Variants in DUSP8 observed in about 807,000 individuals in gnomAD.
DUSP8 encodes the protein dual specificity protein phosphatase 8.
Under a neutral mutation model 38.7 loss-of-function variants are expected in DUSP8, and 15 were observed. The observed-to-expected ratio is 0.39, with a 90% CI of 0.26 to 0.60. The LOEUF (loss-of-function observed/expected upper bound fraction) is 0.60. Ranked by LOEUF, DUSP8 falls within the 20% of genes least tolerant of loss-of-function variation. DUSP8 has a pLI of 0.56. For missense variants in DUSP8, 768 were observed against 915.0 expected (o/e 0.84, Z 2.07); for synonymous variants, 458 against 433.9 (o/e 1.06, Z -0.69).
chr11:1,563,857 G>A lies in DUSP8; in HGVS notation c.364C>T (p.Leu122Phe), dbSNP rs770394046. ...LDGCFDSVAILTGGFATFSSC... is the reference protein window; with the variant it reads ...LDGCFDSVAIFTGGFATFSSC... ...GCGTGGGTCATGGACTCACCAGTGAGGATGGCCACGCTGTCGAAGCAGCCG... is the reference window on the plus strand; with the variant it reads ...GCGTGGGTCATGGACTCACCAGTGAAGATGGCCACGCTGTCGAAGCAGCCG... Residue 122 changes from leucine to phenylalanine, a missense_variant, in exon 3 of 7, where the codon CTC becomes TTC. Physicochemically the swap from Leu to Phe is conservative, Grantham distance 22. This residue lies in a region of DUSP8 where 252 missense variants were observed against 410.4 expected (regional missense o/e 0.61). Transcript: ENST00000397374. 6.6e-7 allele frequency: 1 copy of A among 1,525,644 alleles called. No homozygotes were observed. The highest frequency in any genetic ancestry group is 8.8e-7 in the Non-Finnish European group (1 of 1,133,568). The allele number at this position is 1,525,644 out of a possible 1,614,324, so 94.5% of individuals were successfully genotyped here.
At position 1,558,866 on chromosome 11, in the gene DUSP8, C is replaced by T; in HGVS notation, c.537+23G>A. On this transcript the variant is annotated intron_variant, in intron 4 of 6. Transcript: ENST00000397374. The surrounding 1 kb of genome is among the most constrained non-coding windows in gnomAD (Gnocchi z 6.3). ...CCTGCCCCTTTCCCATTGACCACCC[C>T]CCGAACTCCACTGCACACACACCTT... 9 of 1,583,538 alleles carry T rather than the reference C, an allele frequency of 5.7e-6. No homozygotes were observed. The highest frequency in any genetic ancestry group is 7.8e-6 in the Non-Finnish European group (9 of 1,161,270).
rs1848678696 is a variant in DUSP8, at chr11:1,559,014, C to T, written c.412G>A (p.Glu138Lys). The change falls in exon 4 of 7, where the codon GAG (glutamate) becomes AAG (lysine). Residue 138 changes from glutamate (E) to lysine (K), a missense_variant. By Grantham distance (56) the Glu-to-Lys change is moderately conservative. Around this residue, in one of 3 missense-constraint regions of DUSP8, gnomAD observed 252 missense variants for 410.4 expected, o/e 0.61. Transcript: ENST00000397374. ...GGTAGCAGGGCAGCAGGCTTGCCCT[C>T]GCAGAGGCCGGGGAAGCAGGAGGAG... ...TFSSCFPGLC[E>K]GKPAALLPMS... 3.1e-6 allele frequency: 5 copies of T among 1,611,358 alleles called. No homozygotes were observed. The highest frequency in any genetic ancestry group is 4.2e-6 in the Non-Finnish European group (5 of 1,179,654).
Position 1,558,882 on chromosome 11 carries a change from C to T in DUSP8, c.537+7G>A, listed in dbSNP as rs763741234. 19 of 1,605,814 alleles carry T rather than the reference C, an allele frequency of 1.2e-5. No homozygotes were observed. In the East Asian group the frequency reaches 2.2e-4, roughly 19 times the overall value. ...TGACCACCCCCCGAACTCCACTGCA[C>T]ACACACCTTGTTTAGGACGTCCTTC... On this transcript the variant is annotated splice_region_variant and intron_variant, in intron 4 of 6. Transcript: ENST00000397374. This position sits in a 1 kb window ranked among gnomAD's most constrained non-coding sequence, Gnocchi z 6.3.
chr11:1,558,969 A>C lies in DUSP8; in HGVS notation c.457T>G (p.Cys153Gly). The change falls in exon 4 of 7, where the codon TGC (cysteine) becomes GGC (glycine). Residue 153 changes from cysteine to glycine, a missense_variant. Transcript: ENST00000397374. This position sits in a 1 kb window ranked among gnomAD's most constrained non-coding sequence, Gnocchi z 6.3. ...ALLPMSLSQP[C>G]LPVPSVGLTR... ...AGGCCCACGCTGGGCACAGGCAGGC[A>C]GGGCTGGGAGAGGCTCATGGGTAGC... 1.9e-6 allele frequency: 3 copies of C among 1,610,244 alleles called. No homozygotes were observed. Among genetic ancestry groups the C allele is most frequent in the Non-Finnish European group, 2.5e-6 (3 of 1,178,956 alleles).
chr11:1,554,234 G>A lies in DUSP8; in HGVS notation c.*2284C>T. 1 of 152,548 alleles carries A rather than the reference G, an allele frequency of 6.6e-6. No homozygotes were observed. The allele number at this position is 152,548 out of a possible 1,614,324, so 9.4% of individuals were successfully genotyped here. ...ACCCTCTCCTCCGCTGGACTTCCCA[G>A]CAAATAACAGGAGGGGCCGGGTCCA... On this transcript the variant is annotated 3_prime_UTR_variant, in exon 7 of 7. Coordinates refer to ENST00000397374, the MANE Select transcript of DUSP8 (RefSeq NM_004420.3).
upstream of DUSP8, among the ~76,000 whole-genome samples, chr11:1,572,466 G>T (rs1337330624): frequency 6.7e-6 from 1 of 150,150 alleles, no homozygotes; most frequent in Non-Finnish European, 1.5e-5. The surrounding 1 kb of genome is among the most constrained non-coding windows in gnomAD (Gnocchi z 4.7). Context: ...GGTGGGTCGC[G>T]CCGCCGCCGC....
intron 1 of DUSP8, among the ~76,000 whole-genome samples, chr11:1,569,879 C>T (rs963942770): frequency 1.8e-4 from 27 of 152,178 alleles, no homozygotes; most frequent in Admixed American, 8.5e-4. Context: ...AGGCAGAAAT[C>T]GTCACACTAA....
At position 1,558,323 on chromosome 11, in the gene DUSP8, G is replaced by A; in HGVS notation, c.538-52C>T. On this transcript the variant is annotated intron_variant, in intron 4 of 6. Coordinates refer to ENST00000397374, the MANE Select transcript of DUSP8 (RefSeq NM_004420.3). The surrounding 1 kb of genome is among the most constrained non-coding windows in gnomAD (Gnocchi z 6.3). ...AAGGGGTGGGAGAAGCTCGGGGCGGGAGTGAAGGTGGAGGCTTTTCCTGCC... is the reference window on the plus strand; with the variant it reads ...AAGGGGTGGGAGAAGCTCGGGGCGGAAGTGAAGGTGGAGGCTTTTCCTGCC... 1 of 676,660 alleles carries A rather than the reference G, an allele frequency of 1.5e-6. No individual in the cohort carries two copies. The highest frequency in any genetic ancestry group is 2.5e-6 in the Non-Finnish European group (1 of 407,740). The allele number at this position is 676,660 out of a possible 1,614,324, so 41.9% of individuals were successfully genotyped here. A position where few individuals can be genotyped will look rare whatever the true frequency, so the allele number is the denominator to read the frequency against.
chr11:1,556,612 C>A lies in DUSP8; in HGVS notation c.1784G>T (p.Gly595Val). The A allele has an allele frequency of 2.8e-6, 4 of 1,440,162 alleles. No individual in the cohort carries two copies. The highest frequency in any genetic ancestry group is 2.7e-6 in the Non-Finnish European group (3 of 1,097,788). 89.2% of individuals were successfully genotyped at this position (1,440,162 alleles called of 1,614,324 possible). The change falls in exon 7 of 7, where the codon GGC becomes GTC. Residue 595 changes from glycine to valine, a missense_variant. Around this residue, in one of 3 missense-constraint regions of DUSP8, gnomAD observed 42 missense variants for 73.7 expected, o/e 0.57. Transcript: ENST00000397374. The surrounding 1 kb of genome is among the most constrained non-coding windows in gnomAD (Gnocchi z 5.2). ...RRSCQMEFEE[G>V]MVEGRARGEE... ...GCCGCGCGCGCGCCCCTCCACCATG[C>A]CCTCCTCGAACTCCATCTGGCAGCT...
intron 1 of DUSP8, among the ~76,000 whole-genome samples, chr11:1,567,793 A>C (rs966442246): frequency 1.3e-5 from 2 of 152,184 alleles, no homozygotes; most frequent in African/African-American, 4.8e-5. Flanking sequence ...AGGGTGGGGA[A>C]CGAGGCCTGG....
Position 1,557,195 on chromosome 11 carries a change from C to T in DUSP8, c.1201G>A (p.Ala401Thr). 1 of 1,487,612 alleles carries T rather than the reference C, an allele frequency of 6.7e-7. No individual in the cohort carries two copies. The highest frequency in any genetic ancestry group is 8.9e-7 in the Non-Finnish European group (1 of 1,122,250). The allele number at this position is 1,487,612 out of a possible 1,614,324, so 92.2% of individuals were successfully genotyped here. A position where few individuals can be genotyped will look rare whatever the true frequency, so the allele number is the denominator to read the frequency against. Residue 401 changes from alanine (A) to threonine (T), a missense_variant, in exon 7 of 7, where the codon GCC becomes ACC. Ala to Thr is a moderately conservative substitution (Grantham distance 58). Transcript: ENST00000397374. The surrounding 1 kb of genome is among the most constrained non-coding windows in gnomAD (Gnocchi z 9.9). The stretch of plus-strand genomic sequence containing the variant: ...TCGGGCCGCCTGCTAGGGGCGTAGG[C>T]AGACTTGATGTCCAGGGAGAAGGAG... ...KRSFSLDIKS[A>T]YAPSRRPDGP...
Position 1,559,160 on chromosome 11 carries a change from GTCACACC to G in DUSP8, c.371-112_371-106del. ...GCACCCCATCTACTGCTGAGGATCAGTCACACCCAGCCCAGACCCGAGCCTGAGCCCA... is the reference window on the plus strand; with the variant it reads ...GCACCCCATCTACTGCTGAGGATCAGCAGCCCAGACCCGAGCCTGAGCCCA... On this transcript the variant is annotated intron_variant, in intron 3 of 6. Coordinates refer to ENST00000397374, the MANE Select transcript of DUSP8 (RefSeq NM_004420.3). The G allele has an allele frequency of 4.2e-6, 5 of 1,180,656 alleles. No homozygotes were observed. In the South Asian group the frequency reaches 6.1e-5, roughly 14 times the overall value. The allele number at this position is 1,180,656 out of a possible 1,614,324, so 73.1% of individuals were successfully genotyped here. A position where few individuals can be genotyped will look rare whatever the true frequency, so the allele number is the denominator to read the frequency against.
chr11:1,561,061 A>C (rs1038397985), intron 3 of DUSP8, among the ~76,000 whole-genome samples: 3 of 152,142 alleles, frequency 2.0e-5, no homozygotes, highest in Non-Finnish European at 2.9e-5. Flanking sequence ...TGCCAGGCCT[A>C]GCAGGGACCG....
chr11:1,555,286 T>A lies in DUSP8; in HGVS notation c.*1232A>T, dbSNP rs1218265591. 1 of 987,720 alleles carries A rather than the reference T, an allele frequency of 1.0e-6. No homozygotes were observed. 61.2% of individuals were successfully genotyped at this position (987,720 alleles called of 1,614,324 possible). A position where few individuals can be genotyped will look rare whatever the true frequency, so the allele number is the denominator to read the frequency against. On this transcript the variant is annotated 3_prime_UTR_variant, in exon 7 of 7. Coordinates refer to ENST00000397374, the MANE Select transcript of DUSP8 (RefSeq NM_004420.3). ...AAGGGGTGAATGGGAGTTTCTCTCC[T>A]GAGCGGCCCCATGGGGGTGGGGGCA...
At position 1,557,437 on chromosome 11, in the gene DUSP8, G is replaced by A. The variant is rs770485803; in HGVS notation, c.959C>T (p.Pro320Leu). Residue 320 changes from proline to leucine, a missense_variant, in exon 7 of 7, where the codon CCG becomes CTG. By Grantham distance (98) the Pro-to-Leu change is moderately conservative. Around this residue, in one of 3 missense-constraint regions of DUSP8, gnomAD observed 474 missense variants for 430.8 expected, o/e 1.10. Coordinates refer to ENST00000397374, the MANE Select transcript of DUSP8 (RefSeq NM_004420.3). The surrounding 1 kb of genome is among the most constrained non-coding windows in gnomAD (Gnocchi z 9.9). ...PGTPSGTPEPPPSPAAGAPLP... is the reference protein window; with the variant it reads ...PGTPSGTPEPLPSPAAGAPLP... ...CGGGGCCCCGGCGGCAGGACTGGGC[G>A]GAGGCTCCGGCGTCCCTGAGGGGGT... 125 of 1,563,200 alleles carry A rather than the reference G, an allele frequency of 8.0e-5. No individual in the cohort carries two copies. Among genetic ancestry groups the A allele is most frequent in the African/African-American group, 7.2e-4 (52 of 72,346 alleles).
Position 1,563,989 on chromosome 11 carries a change from C to T in DUSP8, c.232G>A (p.Val78Met), listed in dbSNP as rs1248928290. The T allele has an allele frequency of 1.4e-6, 2 of 1,467,522 alleles. No homozygotes were observed. Among genetic ancestry groups the T allele is most frequent in the Non-Finnish European group, 1.8e-6 (2 of 1,100,302 alleles). The allele number at this position is 1,467,522 out of a possible 1,614,324, so 90.9% of individuals were successfully genotyped here. ...ELIQPAARSQ[V>M]EATEPQDVVV... ...ACGTCCTGTGGCTCCGTAGCCTCCA[C>T]CTGGGGGCCATGGGGCAGAGATCAG... is the stretch of plus-strand genomic sequence containing the variant. The change falls in exon 3 of 7, where the codon GTG (valine) becomes ATG (methionine). Residue 78 changes from valine to methionine, a missense_variant and splice_region_variant. By Grantham distance (21) the Val-to-Met change is conservative. This residue lies in a region of DUSP8 where 252 missense variants were observed against 410.4 expected (regional missense o/e 0.61). Transcript: ENST00000397374.
chr11:1,559,364 AT>A, intron 3 of DUSP8: 2 of 306,394 alleles, frequency 6.5e-6, no homozygotes, highest in Non-Finnish European at 1.2e-5. Context: ...GTGGCTGGCC[AT>A]CACGGCACGC....
chr11:1,565,967 C>A lies in DUSP8; in HGVS notation c.-108-33G>T. On this transcript the variant is annotated intron_variant, in intron 1 of 6. Coordinates refer to ENST00000397374, the MANE Select transcript of DUSP8 (RefSeq NM_004420.3). ...GACAGGGGGATGGTCAGCAGTGCTGCGGGCCCCTGGGTGGCACCCAGAAGC... is the reference window on the plus strand; with the variant it reads ...GACAGGGGGATGGTCAGCAGTGCTGAGGGCCCCTGGGTGGCACCCAGAAGC... 4 of 723,482 alleles carry A rather than the reference C, an allele frequency of 5.5e-6. No homozygotes were observed. In the South Asian group the frequency reaches 6.9e-5, roughly 13 times the overall value. 44.8% of individuals were successfully genotyped at this position (723,482 alleles called of 1,614,324 possible). A position where few individuals can be genotyped will look rare whatever the true frequency, so the allele number is the denominator to read the frequency against.
chr11:1,563,499 G>T (rs528616512), intron 3 of DUSP8, among the ~76,000 whole-genome samples: 1 of 152,056 alleles, frequency 6.6e-6, no homozygotes, highest in African/African-American at 2.4e-5. Flanking sequence ...TTTCGGAGGT[G>T]GGGGGACTTC....
Sources: allele counts gnomAD v4.1 joint callset (sites outside exome capture counted in the v4.1 genomes callset), GRCh38; gene constraint gnomAD v4.1.1; regional missense constraint gnomAD v4.1.1; non-coding constraint Gnocchi (gnomAD v3.1); transcripts MANE v1.5; gene names NCBI Gene and HGNC (gene_info 2026-07-23, HGNC 2026-07-21).